TMEM17: variants seen among roughly 807,000 people sequenced by gnomAD.
The protein encoded by TMEM17 is transmembrane protein 17.
TMEM17 carries 15 observed loss-of-function variants against 19.1 expected under a neutral mutation model. The ratio of observed to expected loss-of-function variants is 0.78; its 90% CI spans 0.52 to 1.21. The LOEUF (loss-of-function observed/expected upper bound fraction) is 1.21. TMEM17 is among the 50% of genes most tolerant of loss of function. TMEM17 has a pLI of 0.00. For synonymous variants in TMEM17, 103 were observed against 86.9 expected (o/e 1.19, Z -1.03); for missense variants, 245 against 242.3 (o/e 1.01, Z -0.07).
the TMEM17 span, among the ~76,000 whole-genome samples, chr2:62,464,813 G>A: frequency 6.6e-6 from 1 of 152,136 alleles, no homozygotes; most frequent in African/African-American, 2.4e-5. Flanking sequence ...AAATCATAGG[G>A]AGTTGAAGCT....
chr2:62,472,583 A>G, the TMEM17 span, among the ~76,000 whole-genome samples: 1 of 152,198 alleles, frequency 6.6e-6, no homozygotes. Flanking sequence ...CACTCTCCCA[A>G]CTACCCAAAA....
intron 1 of TMEM17, among the ~76,000 whole-genome samples, chr2:62,503,690 T>C (rs917418203): frequency 1.8e-4 from 28 of 152,256 alleles, no homozygotes; most frequent in Admixed American, 3.9e-4. Flanking sequence ...TCTTTCCTTC[T>C]TCTCTTCTAC....
At chr2:62,456,562 A>G in the TMEM17 span, among the ~76,000 whole-genome samples, 1 of 152,200 alleles carries the variant, frequency 6.6e-6, no homozygotes, top group East Asian at 1.9e-4. Flanking sequence ...CACACCAGCA[A>G]AGTCCGTTTT....
the TMEM17 span, among the ~76,000 whole-genome samples, chr2:62,454,913 C>T: frequency 6.6e-6 from 1 of 151,842 alleles, no homozygotes; most frequent in African/African-American, 2.4e-5. Flanking sequence ...ACTGTGTTAG[C>T]CCAGGATGGT....
the TMEM17 span, among the ~76,000 whole-genome samples, chr2:62,491,999 C>T: frequency 6.7e-6 from 1 of 150,160 alleles, no homozygotes; most frequent in Admixed American, 6.6e-5. Flanking sequence ...TATAGGTAAA[C>T]GTATTATTAG....
downstream of TMEM17, among the ~76,000 whole-genome samples, chr2:62,495,664 G>T (rs1679758753): frequency 8.3e-6 from 1 of 119,784 alleles, no homozygotes; most frequent in South Asian, 3.0e-4. Flanking sequence ...TCTTCTGTTT[G>T]CCGCTTTGTT....
At chr2:62,477,397 A>ACAAC in the TMEM17 span, among the ~76,000 whole-genome samples, 1 of 151,734 alleles carries the variant, frequency 6.6e-6, no homozygotes, top group Non-Finnish European at 1.5e-5. Context: ...ACTCCGTCTC[A>ACAAC]AAACAAACAA....
chr2:62,479,651 C>T, the TMEM17 span, among the ~76,000 whole-genome samples: 86 of 152,122 alleles, frequency 5.7e-4, no homozygotes, highest in African/African-American at 1.9e-3. Context: ...TTTGGGAGGC[C>T]GAGGCCAGCA....
intron 1 of TMEM17, 73 bp downstream of exon 1, chr2:62,505,957 A>G: frequency 1.4e-6 from 2 of 1,413,672 alleles, no homozygotes; most frequent in South Asian, 1.3e-5. Flanking sequence ...GTACGGGCAA[A>G]TTCTGGACGC....
chr2:62,505,905 C>G (rs1054420212), intron 1 of TMEM17, 125 bp downstream of exon 1: 2 of 972,088 alleles, frequency 2.1e-6, no homozygotes, highest in Admixed American at 2.5e-5. Context: ...GGCGCTCTCC[C>G]GCACTGCGGA....
chr2:62,484,424 T>G, the TMEM17 span, among the ~76,000 whole-genome samples: 1 of 152,212 alleles, frequency 6.6e-6, no homozygotes, highest in South Asian at 2.1e-4. Context: ...TTGCTGTCTT[T>G]CTCTTATCAG....
the TMEM17 span, among the ~76,000 whole-genome samples, chr2:62,484,406 C>G: frequency 6.6e-6 from 1 of 152,210 alleles, no homozygotes; most frequent in Non-Finnish European, 1.5e-5. Flanking sequence ...CCTGCTGGAC[C>G]TACTGTCTTG....
the TMEM17 span, among the ~76,000 whole-genome samples, chr2:62,481,775 G>A: frequency 6.6e-6 from 1 of 150,992 alleles, no homozygotes; most frequent in East Asian, 1.9e-4. Flanking sequence ...TATGGGAGCT[G>A]GTTAAAGAGT....
At chr2:62,474,885 C>G in the TMEM17 span, among the ~76,000 whole-genome samples, 15 of 152,142 alleles carry the variant, frequency 9.9e-5, no homozygotes, top group African/African-American at 3.1e-4. Context: ...AATAAGCCAG[C>G]ATTTAACTTC....
At chr2:62,492,564 G>T in the TMEM17 span, among the ~76,000 whole-genome samples, 1 of 152,324 alleles carries the variant, frequency 6.6e-6, no homozygotes, top group Admixed American at 6.5e-5. Flanking sequence ...TTTGTAGAAA[G>T]TTTATGAAAA....
chr2:62,486,443 C>A, the TMEM17 span, among the ~76,000 whole-genome samples: 1 of 152,146 alleles, frequency 6.6e-6, no homozygotes, highest in African/African-American at 2.4e-5. Context: ...CCTGGAGGCC[C>A]TCTGATGAGA....
chr2:62,494,857 A>C, the TMEM17 span, among the ~76,000 whole-genome samples: 25 of 152,066 alleles, frequency 1.6e-4, no homozygotes, highest in Non-Finnish European at 2.2e-4. Flanking sequence ...CACACACACA[A>C]AAAGAAAAAT....
downstream of TMEM17, among the ~76,000 whole-genome samples, chr2:62,496,082 T>C (rs1273618051): frequency 1.5e-5 from 2 of 133,996 alleles, no homozygotes; most frequent in South Asian, 2.9e-4. Context: ...TCACAGCTTT[T>C]AGATTTTTTT....
At chr2:62,475,338 G>A in the TMEM17 span, among the ~76,000 whole-genome samples, 5 of 152,220 alleles carry the variant, frequency 3.3e-5, no homozygotes, top group Non-Finnish European at 4.4e-5. Context: ...GCATGCCCAC[G>A]CAGCCGGGCT....
Sources: allele counts gnomAD v4.1 joint callset (sites outside exome capture counted in the v4.1 genomes callset), GRCh38; gene constraint gnomAD v4.1.1; transcripts MANE v1.5; gene names NCBI Gene and HGNC (gene_info 2026-07-23, HGNC 2026-07-21).